Variants in THRB observed in about 807,000 individuals in gnomAD.
THRB encodes the protein thyroid hormone receptor beta.
In THRB, 12 loss-of-function variants were observed where a neutral mutation model predicts 47.8. The ratio of observed to expected loss-of-function variants is 0.25; its 90% CI spans 0.16 to 0.41. The LOEUF is 0.41. Ranked by LOEUF, THRB falls within the 10% of genes least tolerant of loss-of-function variation. The pLI is 1.00. For missense variants in THRB, 348 were observed against 589.2 expected (o/e 0.59, Z 4.24); for synonymous variants, 218 against 212.2 (o/e 1.03, Z -0.24).
chr3:24,235,613 T>C (rs1331373957), intron 3 of THRB, among the ~76,000 whole-genome samples: 1 of 152,104 alleles, frequency 6.6e-6, no homozygotes. Context: ...CTGACTGGGT[T>C]GGGGGCTGTG....
intron 3 of THRB, among the ~76,000 whole-genome samples, chr3:24,264,210 C>G (rs1077633): frequency 0.74 from 112,789 of 151,834 alleles, 42,267 homozygotes; most frequent in Middle Eastern, 0.85. Context: ...ACTGTTTCTT[C>G]TGCCTCAGGA....
chr3:24,211,234 A>G (rs1339432445), intron 4 of THRB, among the ~76,000 whole-genome samples: 1 of 152,034 alleles, frequency 6.6e-6, no homozygotes, highest in Non-Finnish European at 1.5e-5. Flanking sequence ...TTTATAAAGC[A>G]CTATTCCCTT....
rs2051628589 is a variant in THRB, at chr3:24,259,018, G to A, written c.-42-30017C>T. ...CTTGCCCAAGGTCACAGAGCCACTA[G>A]CTGAGAAGCTAACTTGGCCTCCTGA... is the stretch of plus-strand genomic sequence containing the variant. On this transcript the variant is annotated intron_variant, in intron 3 of 10. Coordinates refer to ENST00000646209, the MANE Select transcript of THRB (RefSeq NM_001354712.2). 3.9e-5 allele frequency among the ~76,000 whole-genome samples: 6 copies of A among 152,282 alleles called. No individual in the cohort carries two copies. In the South Asian group the frequency reaches 1.2e-3, roughly 32 times the overall value.
At chr3:24,327,042 C>T (rs763645123) in intron 2 of THRB, among the ~76,000 whole-genome samples, 41 of 152,078 alleles carry the variant, frequency 2.7e-4, no homozygotes, top group Non-Finnish European at 4.6e-4. Context: ...GGATTACAGG[C>T]GTGAGCCACT....
At chr3:24,339,421 A>C (rs995441281) in intron 1 of THRB, among the ~76,000 whole-genome samples, 2 of 152,222 alleles carry the variant, frequency 1.3e-5, no homozygotes, top group South Asian at 2.1e-4. Context: ...AGAAGAGTTA[A>C]GCATTTTGCC....
At chr3:24,333,998 G>A (rs542501661) in intron 2 of THRB, among the ~76,000 whole-genome samples, 6 of 152,194 alleles carry the variant, frequency 3.9e-5, no homozygotes, top group South Asian at 2.1e-4. Flanking sequence ...GCTCTAAAAC[G>A]CAGAATTGGC....
chr3:24,280,164 G>A (rs886234338), intron 3 of THRB, among the ~76,000 whole-genome samples: 1 of 152,194 alleles, frequency 6.6e-6, no homozygotes, highest in Non-Finnish European at 1.5e-5. Context: ...GAGCGACGCA[G>A]AAGATGGGTG....
chr3:24,487,898 T>C (rs932218686), intron 1 of THRB, among the ~76,000 whole-genome samples: 1 of 152,192 alleles, frequency 6.6e-6, no homozygotes, highest in Non-Finnish European at 1.5e-5. Flanking sequence ...CTGCTTTGTG[T>C]AGACATTGAT....
chr3:24,196,810 G>T (rs906042882), intron 4 of THRB, among the ~76,000 whole-genome samples: 8 of 152,198 alleles, frequency 5.3e-5, no homozygotes, highest in East Asian at 3.9e-4. Flanking sequence ...TTCCTGTTAG[G>T]TTTGCCTGAC....
chr3:24,287,701 A>C (rs1246481499), intron 3 of THRB, among the ~76,000 whole-genome samples: 1 of 152,132 alleles, frequency 6.6e-6, no homozygotes, highest in African/African-American at 2.4e-5. Flanking sequence ...ATGGCCTTTA[A>C]AATGTTTTTG....
At chr3:24,247,306 G>A (rs1014601731) in intron 3 of THRB, among the ~76,000 whole-genome samples, 1 of 152,222 alleles carries the variant, frequency 6.6e-6, no homozygotes, top group African/African-American at 2.4e-5. Context: ...AGCAATAGCA[G>A]CTAACATTTG....
At chr3:24,477,698 A>G (rs1471469071) in intron 1 of THRB, among the ~76,000 whole-genome samples, 1 of 152,048 alleles carries the variant, frequency 6.6e-6, no homozygotes, top group East Asian at 1.9e-4. Flanking sequence ...CTAACGCAGG[A>G]TACGTACAGC....
At chr3:24,233,144 A>G (rs966042381) in intron 3 of THRB, among the ~76,000 whole-genome samples, 27 of 152,212 alleles carry the variant, frequency 1.8e-4, no homozygotes, top group Non-Finnish European at 2.6e-4. Flanking sequence ...GTGTGTTTGT[A>G]TTTTAAAAAT....
intron 1 of THRB, among the ~76,000 whole-genome samples, chr3:24,371,745 A>G (rs1200671682): frequency 1.3e-5 from 2 of 152,102 alleles, no homozygotes; most frequent in Non-Finnish European, 2.9e-5. Flanking sequence ...TGCTCAATGT[A>G]TTGCTACATT....
chr3:24,172,974 A>G (rs1304008010), intron 5 of THRB, among the ~76,000 whole-genome samples: 1 of 152,198 alleles, frequency 6.6e-6, no homozygotes, highest in East Asian at 1.9e-4. Context: ...TGAGCAAGTT[A>G]AAAAGAACAG....
At chr3:24,328,416 G>A (rs1217908371) in intron 2 of THRB, among the ~76,000 whole-genome samples, 2 of 152,106 alleles carry the variant, frequency 1.3e-5, no homozygotes, top group East Asian at 3.8e-4. Flanking sequence ...CCACATAAAT[G>A]TTCCATAAAT....
chr3:24,167,925 T>G (rs1200626882), intron 5 of THRB, among the ~76,000 whole-genome samples: 1 of 152,160 alleles, frequency 6.6e-6, no homozygotes, highest in African/African-American at 2.4e-5. Context: ...AAGGAAAGAA[T>G]AGCTGCTGAA....
chr3:24,296,264 A>T (rs1283733683), intron 3 of THRB, among the ~76,000 whole-genome samples: 1 of 152,212 alleles, frequency 6.6e-6, no homozygotes, highest in Non-Finnish European at 1.5e-5. Flanking sequence ...ATTAGAGCTC[A>T]GTTGGAGAGT....
chr3:24,253,315 G>C lies in THRB; in HGVS notation c.-42-24314C>G, dbSNP rs529985349. ...AGGTTGCAAACTTTACTGCTTACAG[G>C]GGCTAGACATTAATTCATTCAACAG... On this transcript the variant is annotated intron_variant, in intron 3 of 10. Transcript: ENST00000646209. 2.2e-4 allele frequency among the ~76,000 whole-genome samples: 33 copies of C among 152,228 alleles called. 1 individual carries two copies. In the South Asian group the frequency reaches 6.2e-3, roughly 29 times the overall value.
Sources: gnomAD v4.1 joint callset for allele counts (sites outside exome capture counted in the v4.1 genomes callset) on GRCh38, gnomAD v4.1.1 for gene constraint, MANE v1.5 for transcripts, NCBI Gene and HGNC (gene_info 2026-07-23, HGNC 2026-07-21) for gene names.